The following ADAM28 variants were observed in gnomAD, a reference collection of about 807,000 sequenced individuals.
ADAM28 encodes the protein ADAM metallopeptidase domain 28.
Under a neutral mutation model 101.2 loss-of-function variants are expected in ADAM28, and 105 were observed. That is an observed-to-expected ratio of 1.04 (90% CI 0.89 to 1.22). The LOEUF is 1.22. Among genes scored for constraint, ADAM28 ranks in the 50% most tolerant of loss-of-function variants. ADAM28 has a pLI of 0.00. For synonymous variants in ADAM28, 322 were observed against 310.6 expected (o/e 1.04, Z -0.39); for missense variants, 1,028 against 945.4 (o/e 1.09, Z -1.15).
rs4242405 is a variant in ADAM28 at position 24,358,755 on chromosome 8, A to T, written c.*4351A>T. The T allele has an allele frequency of 0.98, 149,405 of 152,326 alleles. 73,305 individuals are homozygous for T. Among genetic ancestry groups the T allele is most frequent in the East Asian group, 1 (5,181 of 5,188 alleles). 9.4% of individuals were successfully genotyped at this position (152,326 alleles called of 1,614,324 possible). ...AGCGAATACTATTGTTATAAAAAAAATCCTAAGCATGAAAATTACGGTATA... is the reference window on the plus strand; with the variant it reads ...AGCGAATACTATTGTTATAAAAAAATTCCTAAGCATGAAAATTACGGTATA... On this transcript the variant is annotated 3_prime_UTR_variant, in exon 23 of 23. Transcript: ENST00000265769.
chr8:24,344,035 G>T (rs61115445), intron 18 of ADAM28, among the ~76,000 whole-genome samples: 1 of 152,070 alleles, frequency 6.6e-6, no homozygotes, highest in Non-Finnish European at 1.5e-5. Context: ...TTTTCTTCAG[G>T]ATATGTGATC....
Position 24,326,572 on chromosome 8 carries a change from A to C in ADAM28, c.909A>C (p.Gly303=). 1 of 1,612,096 alleles carries C rather than the reference A, an allele frequency of 6.2e-7. No individual in the cohort carries two copies. Among genetic ancestry groups the C allele is most frequent in the Non-Finnish European group, 8.5e-7 (1 of 1,178,724 alleles). ...AQLITATELA[G]TTVGLAFMST... ...CTTGCAGAGCAACAGAACTTGCTGG[A>C]ACGACTGTGGGTCTTGCATTTATGT... is the stretch of plus-strand genomic sequence containing the variant. The change falls in exon 10 of 23, where the codon GGA becomes GGC. Residue 303 remains glycine, a synonymous_variant. Coordinates refer to ENST00000265769, the MANE Select transcript of ADAM28 (RefSeq NM_014265.6).
Position 24,339,474 on chromosome 8 carries a change from G to A in ADAM28, c.1576G>A (p.Val526Ile), listed in dbSNP as rs1270968920. Residue 526 changes from valine (V) to isoleucine (I), a missense_variant, in exon 15 of 23, where the codon GTT becomes ATT. By Grantham distance (29) the Val-to-Ile change is conservative. Coordinates refer to ENST00000265769, the MANE Select transcript of ADAM28 (RefSeq NM_014265.6). ...CTELWGPGTE[V>I]ADKSCYNRNE... ...ACTGATCCTGGTCCCAGGAACTGAG[G>A]TTGCAGATAAGTCATGTTACAACAG... The A allele has an allele frequency of 2.5e-6, 4 of 1,612,518 alleles. No homozygotes were observed. The highest frequency in any genetic ancestry group is 3.4e-6 in the Non-Finnish European group (4 of 1,179,278).
intron 21 of ADAM28, among the ~76,000 whole-genome samples, chr8:24,352,960 C>G (rs78012829): frequency 0.014 from 2,187 of 152,228 alleles, 62 homozygotes; most frequent in African/African-American, 0.051. Context: ...TTTTTAATCT[C>G]TCACCTGCTC....
At chr8:24,338,188 T>C (rs1279760726) in intron 14 of ADAM28, among the ~76,000 whole-genome samples, 1 of 152,162 alleles carries the variant, frequency 6.6e-6, no homozygotes, top group Non-Finnish European at 1.5e-5. Context: ...TTAATGATAG[T>C]GGATAACTGA....
chr8:24,310,488 A>T, intron 4 of ADAM28: 1 of 354,220 alleles, frequency 2.8e-6, no homozygotes, highest in Non-Finnish European at 5.2e-6. Context: ...GGTGGGTAGA[A>T]GGAGCATGTT....
At chr8:24,300,905 C>T (rs1296996786) in intron 2 of ADAM28, 3 of 152,112 alleles carry the variant, frequency 2.0e-5, no homozygotes, top group African/African-American at 7.2e-5. Flanking sequence ...TGAATAGGCT[C>T]TTCTTAATGT....
chr8:24,351,085 A>G lies in ADAM28; in HGVS notation c.2100-147A>G, dbSNP rs533233440. ...AATGAAAGAGGCTGACGGGGAAGTA[A>G]AAACTGACCCAGGGAGCAGATAAAA... On this transcript the variant is annotated intron_variant, in intron 19 of 22. Transcript: ENST00000265769. The G allele has an allele frequency of 4.0e-5, 22 of 548,626 alleles. No homozygotes were observed. The South Asian group carries it at 7.8e-4, about 19-fold the overall frequency. 34.0% of individuals were successfully genotyped at this position (548,626 alleles called of 1,614,324 possible). A position where few individuals can be genotyped will look rare whatever the true frequency, so the allele number is the denominator to read the frequency against.
At position 24,341,771 on chromosome 8, in the gene ADAM28, GTGGC is replaced by G; in HGVS notation, c.1830+16_1830+19del. On this transcript the variant is annotated intron_variant, in intron 16 of 22. Transcript: ENST00000265769. ...GGCGATAACAAGGTAAGTTGAAATT[GTGGC>G]TTTCACTCAAAATAGTGTTTTTTAC... 6.2e-7 allele frequency: 1 copy of G among 1,613,328 alleles called. No homozygotes were observed. Among genetic ancestry groups the G allele is most frequent in the Non-Finnish European group, 8.5e-7 (1 of 1,179,562 alleles).
At chr8:24,314,080 A>C (rs558421913) in intron 6 of ADAM28, among the ~76,000 whole-genome samples, 3 of 152,306 alleles carry the variant, frequency 2.0e-5, no homozygotes, top group Admixed American at 2.0e-4. Flanking sequence ...ATTTTCAGCA[A>C]TGTACAAAGG....
At chr8:24,314,249 A>T (rs1810863653) in intron 6 of ADAM28, among the ~76,000 whole-genome samples, 1 of 152,148 alleles carries the variant, frequency 6.6e-6, no homozygotes, top group Admixed American at 6.6e-5. Flanking sequence ...ATTTTGAAAT[A>T]TCTTGCTGTC....
intron 12 of ADAM28, among the ~76,000 whole-genome samples, chr8:24,332,367 G>C (rs985295411): frequency 3.3e-5 from 5 of 152,068 alleles, no homozygotes; most frequent in Non-Finnish European, 7.4e-5. Flanking sequence ...CTTATTTCAA[G>C]AACTGTGTTT....
chr8:24,345,619 ATTCT>A (rs1220866474), intron 18 of ADAM28, among the ~76,000 whole-genome samples: 1 of 151,742 alleles, frequency 6.6e-6, no homozygotes, highest in African/African-American at 2.4e-5. Context: ...CCTAAATTTG[ATTCT>A]TTATACTCCT....
intron 19 of ADAM28, among the ~76,000 whole-genome samples, chr8:24,350,657 G>A (rs1815990811): frequency 2.0e-5 from 3 of 152,086 alleles, no homozygotes; most frequent in Admixed American, 2.0e-4. Flanking sequence ...CACTTCACAA[G>A]AACTTCATAA....
At chr8:24,314,012 C>T (rs893406771) in intron 6 of ADAM28, among the ~76,000 whole-genome samples, 1 of 152,150 alleles carries the variant, frequency 6.6e-6, no homozygotes, top group Non-Finnish European at 1.5e-5. Context: ...CTGTCTCAGC[C>T]TCCCAAAGTG....
At chr8:24,343,873 G>A (rs1338063244) in intron 18 of ADAM28, among the ~76,000 whole-genome samples, 1 of 151,998 alleles carries the variant, frequency 6.6e-6, no homozygotes, top group East Asian at 1.9e-4. Context: ...TTTCATAGCA[G>A]CCTCAAGTTA....
intron 2 of ADAM28, among the ~76,000 whole-genome samples, chr8:24,309,009 C>T (rs1014681137): frequency 2.0e-5 from 3 of 152,124 alleles, no homozygotes; most frequent in African/African-American, 7.2e-5. Flanking sequence ...ATGACAATAA[C>T]GAGGCACTTC....
chr8:24,341,454 G>C, intron 15 of ADAM28, 144 bp from the exon 16 acceptor site: 1 of 823,538 alleles, frequency 1.2e-6, no homozygotes, highest in Non-Finnish European at 1.9e-6. Flanking sequence ...TCCTATTACT[G>C]AGAAATAAGG....
intron 1 of ADAM28, among the ~76,000 whole-genome samples, chr8:24,295,340 T>C (rs1329179490): frequency 6.6e-6 from 1 of 152,226 alleles, no homozygotes; most frequent in East Asian, 1.9e-4. Flanking sequence ...TTTTGTCTGA[T>C]GTGAACGTGT....
Sources: allele counts gnomAD v4.1 joint callset (sites outside exome capture counted in the v4.1 genomes callset), GRCh38; gene constraint gnomAD v4.1.1; transcripts MANE v1.5; gene names NCBI Gene and HGNC (gene_info 2026-07-23, HGNC 2026-07-21).